The following SUPT3H variants were observed in gnomAD, a reference collection of about 807,000 sequenced individuals.
The protein encoded by SUPT3H is transcription initiation protein SPT3 homolog.
SUPT3H carries 44 observed loss-of-function variants against 44.3 expected under a neutral mutation model. That is an observed-to-expected ratio of 0.99 (90% CI 0.78 to 1.28). The LOEUF (loss-of-function observed/expected upper bound fraction) is 1.28. Ranked by LOEUF, SUPT3H falls within the 50% of genes most tolerant of loss-of-function variation. The pLI is 0.00. For synonymous variants in SUPT3H, 124 were observed against 125.6 expected (o/e 0.99, Z 0.09); for missense variants, 380 against 387.1 (o/e 0.98, Z 0.15).
intron 10 of SUPT3H, among the ~76,000 whole-genome samples, chr6:44,854,452 G>C (rs183445005): frequency 1.3e-5 from 2 of 152,282 alleles, no homozygotes; most frequent in Non-Finnish European, 2.9e-5. Flanking sequence ...CTGAACAGTA[G>C]ATACTAGGAG....
chr6:44,858,048 GC>G (rs780399375), intron 10 of SUPT3H, among the ~76,000 whole-genome samples: 1 of 152,110 alleles, frequency 6.6e-6, no homozygotes, highest in Non-Finnish European at 1.5e-5. Flanking sequence ...CCTGCAGGAA[GC>G]CTTCCCTGAT....
At chr6:45,297,959 A>G (rs1473091831) in intron 2 of SUPT3H, among the ~76,000 whole-genome samples, 1 of 152,238 alleles carries the variant, frequency 6.6e-6, no homozygotes, top group Non-Finnish European at 1.5e-5. Flanking sequence ...AAAAAAGCAT[A>G]AAAACACAGA....
At chr6:45,214,757 G>C (rs560269410) in intron 2 of SUPT3H, among the ~76,000 whole-genome samples, 26 of 152,272 alleles carry the variant, frequency 1.7e-4, no homozygotes, top group Admixed American at 1.5e-3. Context: ...GGTAAGGGAG[G>C]AAGATCACTT....
intron 2 of SUPT3H, among the ~76,000 whole-genome samples, chr6:45,153,050 C>G (rs752627343): frequency 6.6e-6 from 1 of 152,166 alleles, no homozygotes; most frequent in Non-Finnish European, 1.5e-5. Context: ...ATAGCAGTAT[C>G]TAGGGCATTC....
At chr6:44,985,842 G>A (rs1779715722) in intron 6 of SUPT3H, among the ~76,000 whole-genome samples, 1 of 152,024 alleles carries the variant, frequency 6.6e-6, no homozygotes, top group African/African-American at 2.4e-5. Flanking sequence ...ATTCTTTAAA[G>A]TCCCTCTTAG....
At chr6:45,180,002 A>T (rs1584077098) in intron 2 of SUPT3H, among the ~76,000 whole-genome samples, 3 of 152,194 alleles carry the variant, frequency 2.0e-5, no homozygotes, top group South Asian at 2.1e-4. Flanking sequence ...TTAAGCTGAT[A>T]AGCAACTTCA....
At chr6:45,129,037 TA>T (rs1802992753) in intron 2 of SUPT3H, among the ~76,000 whole-genome samples, 2 of 152,162 alleles carry the variant, frequency 1.3e-5, no homozygotes, top group African/African-American at 4.8e-5. Context: ...ACAAATTTAT[TA>T]TTAACTTGTC....
chr6:44,825,012 C>T (rs992306565), downstream of SUPT3H, among the ~76,000 whole-genome samples: 4 of 152,166 alleles, frequency 2.6e-5, no homozygotes, highest in Non-Finnish European at 4.4e-5. Flanking sequence ...GCTGCAAACA[C>T]GTAAACAAGA....
chr6:45,053,770 C>T (rs936276584), intron 3 of SUPT3H, among the ~76,000 whole-genome samples: 1 of 149,156 alleles, frequency 6.7e-6, no homozygotes, highest in African/African-American at 2.5e-5. Flanking sequence ...AAAAAATTAG[C>T]CGGGCGTGGT....
chr6:45,348,379 G>A (rs1466086084), intron 2 of SUPT3H, among the ~76,000 whole-genome samples: 4 of 151,450 alleles, frequency 2.6e-5, no homozygotes, highest in Non-Finnish European at 5.9e-5. Context: ...TCTAAAATTT[G>A]GCAATAGCCA....
intron 2 of SUPT3H, chr6:45,328,446 A>T: frequency 1.4e-6 from 2 of 1,465,242 alleles, no homozygotes; most frequent in Non-Finnish European, 9.2e-7. Flanking sequence ...CCAGCCACCG[A>T]GACCAACAGA....
intron 10 of SUPT3H, among the ~76,000 whole-genome samples, chr6:44,904,900 A>C (rs1056989591): frequency 1.2e-4 from 18 of 152,330 alleles, no homozygotes; most frequent in Middle Eastern, 6.8e-3. Context: ...GACAAACCTG[A>C]CAAAAACAAG....
chr6:44,826,213 T>G (rs138300833), downstream of SUPT3H, among the ~76,000 whole-genome samples: 289 of 152,358 alleles, frequency 1.9e-3, 2 homozygotes, highest in Middle Eastern at 0.01. Flanking sequence ...GTTTTGTTGT[T>G]TAAGCTTGGC....
At chr6:45,063,500 C>A (rs1792578972) in intron 3 of SUPT3H, among the ~76,000 whole-genome samples, 1 of 134,012 alleles carries the variant, frequency 7.5e-6, no homozygotes, top group Non-Finnish European at 1.6e-5. Flanking sequence ...TTCAGACGAT[C>A]AAATTACTCT....
chr6:44,985,785 C>T (rs1355326463), intron 6 of SUPT3H, among the ~76,000 whole-genome samples: 3 of 152,144 alleles, frequency 2.0e-5, no homozygotes, highest in African/African-American at 7.2e-5. Flanking sequence ...ATATTCCCTA[C>T]TCTTTAAGGT....
chr6:45,139,391 G>C (rs1349977971), intron 2 of SUPT3H, among the ~76,000 whole-genome samples: 1 of 152,080 alleles, frequency 6.6e-6, no homozygotes, highest in Non-Finnish European at 1.5e-5. Flanking sequence ...AGAGGAGACA[G>C]GGCTAACAAG....
chr6:44,924,176 G>A (rs893012772), intron 10 of SUPT3H, among the ~76,000 whole-genome samples: 5 of 151,912 alleles, frequency 3.3e-5, no homozygotes, highest in Non-Finnish European at 7.4e-5. Flanking sequence ...GCCAGATATT[G>A]TTAGTGAAAC....
At chr6:44,832,544 T>C (rs891146278) in intron 10 of SUPT3H, among the ~76,000 whole-genome samples, 6 of 152,290 alleles carry the variant, frequency 3.9e-5, no homozygotes, top group African/African-American at 1.2e-4. Flanking sequence ...TCATTTCTGG[T>C]TTAATAAAGC....
chr6:45,266,775 GGT>G, intron 2 of SUPT3H, among the ~76,000 whole-genome samples: 1 of 152,036 alleles, frequency 6.6e-6, no homozygotes, highest in South Asian at 2.1e-4. Flanking sequence ...TATTTACAGA[GGT>G]AGCCATTAAG....
Sources: allele counts gnomAD v4.1 joint callset (sites outside exome capture counted in the v4.1 genomes callset), GRCh38; gene constraint gnomAD v4.1.1; transcripts MANE v1.5; gene names NCBI Gene and HGNC (gene_info 2026-07-23, HGNC 2026-07-21).